TMCC1: variants seen among roughly 807,000 people sequenced by gnomAD.
TMCC1 encodes the protein transmembrane and coiled-coil domain family 1.
Under a neutral mutation model 52.4 loss-of-function variants are expected in TMCC1, and 15 were observed. The observed-to-expected ratio is 0.29, with a 90% CI of 0.19 to 0.44. The LOEUF (loss-of-function observed/expected upper bound fraction) is 0.44. TMCC1 is among the 20% of genes least tolerant of loss of function. The probability of loss-of-function intolerance (pLI) is 1.00; values close to 1 mark genes in which losing one functional copy is unlikely to be tolerated. For synonymous variants in TMCC1, 279 were observed against 301.9 expected (o/e 0.92, Z 0.79); for missense variants, 503 against 806.0 (o/e 0.62, Z 4.55).
intron 4 of TMCC1, among the ~76,000 whole-genome samples, chr3:129,786,141 C>T (rs944459425): frequency 1.3e-4 from 20 of 151,826 alleles, no homozygotes; most frequent in Non-Finnish European, 1.8e-4. Context: ...GGTTTTGCCA[C>T]GTTGGCCAGG....
chr3:129,707,183 C>A (rs1560233075), intron 4 of TMCC1, among the ~76,000 whole-genome samples: 1 of 152,186 alleles, frequency 6.6e-6, no homozygotes. Context: ...GCCCTATATT[C>A]ACTTCTAGTT....
chr3:129,704,368 A>C (rs954989989), intron 4 of TMCC1, among the ~76,000 whole-genome samples: 1 of 152,194 alleles, frequency 6.6e-6, no homozygotes, highest in Non-Finnish European at 1.5e-5. Flanking sequence ...TACAGTATTC[A>C]TATGCTCTTT....
At chr3:129,870,786 A>G (rs997728153) in intron 2 of TMCC1, among the ~76,000 whole-genome samples, 3 of 143,414 alleles carry the variant, frequency 2.1e-5, no homozygotes, top group African/African-American at 7.6e-5. Context: ...AAAAAAAGAT[A>G]TGGTAGCTAA....
chr3:129,799,798 C>A (rs2057071365), intron 4 of TMCC1, among the ~76,000 whole-genome samples: 2 of 152,158 alleles, frequency 1.3e-5, no homozygotes, highest in South Asian at 4.1e-4. Flanking sequence ...GGCGACAGAG[C>A]GAGACTCTGT....
chr3:129,784,434 C>T (rs1475847019), intron 4 of TMCC1, among the ~76,000 whole-genome samples: 4 of 151,750 alleles, frequency 2.6e-5, no homozygotes, highest in East Asian at 1.9e-4. Context: ...GGTGCAGTGG[C>T]GGGCGCCTGT....
chr3:129,831,525 A>G (rs2058912216), intron 3 of TMCC1, among the ~76,000 whole-genome samples: 1 of 152,220 alleles, frequency 6.6e-6, no homozygotes, highest in Non-Finnish European at 1.5e-5. Context: ...TGTACTGATT[A>G]TAAAACGTAA....
intron 4 of TMCC1, among the ~76,000 whole-genome samples, chr3:129,806,401 C>T (rs192897405): frequency 2.0e-5 from 3 of 152,176 alleles, no homozygotes; most frequent in African/African-American, 4.8e-5. Context: ...TCTTATGGAA[C>T]ACAGGCACCC....
At chr3:129,823,249 C>T (rs1011091698) in intron 4 of TMCC1, among the ~76,000 whole-genome samples, 1 of 152,120 alleles carries the variant, frequency 6.6e-6, no homozygotes, top group East Asian at 1.9e-4. Flanking sequence ...TCGCTTGAAC[C>T]CAGGAGGTGG....
intron 4 of TMCC1, among the ~76,000 whole-genome samples, chr3:129,701,758 T>C (rs1014192411): frequency 2.6e-5 from 4 of 152,282 alleles, no homozygotes; most frequent in South Asian, 2.1e-4. Context: ...CCTACCTCAA[T>C]GGAATCATGT....
intron 4 of TMCC1, among the ~76,000 whole-genome samples, chr3:129,738,626 C>T (rs1291077505): frequency 6.6e-6 from 1 of 151,858 alleles, no homozygotes; most frequent in Non-Finnish European, 1.5e-5. Context: ...AAACATAAAC[C>T]AAGGCTAGCT....
rs182234656 is a variant in TMCC1 at position 129,804,322 on chromosome 3, T to C, written c.576+23481A>G. Among the ~76,000 whole-genome samples, 26 of 152,330 alleles carry C rather than the reference T, an allele frequency of 1.7e-4. No individual in the cohort carries two copies. The East Asian group carries it at 3.9e-3, about 23-fold the overall frequency. ...TAACCAAAAGAAAGATGATATAACA[T>C]AGCTACATTTTTTTGTGCTATTCTT... is the stretch of plus-strand genomic sequence containing the variant. On this transcript the variant is annotated intron_variant, in intron 4 of 6. Transcript: ENST00000393238.
chr3:129,763,388 T>TA (rs1010348154), intron 4 of TMCC1, among the ~76,000 whole-genome samples: 5 of 145,562 alleles, frequency 3.4e-5, no homozygotes, highest in Non-Finnish European at 7.5e-5. Flanking sequence ...ACTAAAAAAA[T>TA]AAAAAAAATT....
At chr3:129,694,656 TAGCTCCAAGGC>T (rs2047266984) in intron 4 of TMCC1, among the ~76,000 whole-genome samples, 1 of 152,098 alleles carries the variant, frequency 6.6e-6, no homozygotes, top group African/African-American at 2.4e-5. Context: ...CTCCCACCAT[TAGCTCCAAGGC>T]AGTGTACAAA....
chr3:129,834,466 C>T (rs950286928), intron 2 of TMCC1, among the ~76,000 whole-genome samples: 6 of 152,078 alleles, frequency 3.9e-5, no homozygotes, highest in Non-Finnish European at 7.4e-5. Context: ...TTGTTGAAAC[C>T]AACCAATTTA....
In TMCC1 at chr3:129,659,082, TTTTC is replaced by T. The variant is rs1338885892; in HGVS notation, c.1512-3983_1512-3980del. Among the ~76,000 whole-genome samples, 175 of 150,602 alleles carry T rather than the reference TTTTC, an allele frequency of 1.2e-3. 1 individual carries two copies. In the East Asian group the frequency reaches 0.019, roughly 16 times the overall value. On this transcript the variant is annotated intron_variant, in intron 5 of 6. Coordinates refer to ENST00000393238, the MANE Select transcript of TMCC1 (RefSeq NM_001017395.5). ...TTGTAGTCAGGGAACCTGTTTTCCT[TTTTC>T]TTTCTTTCTTTTTTTTTTTTTTTTT...
At chr3:129,891,400 G>C (rs2061957008) in intron 1 of TMCC1, among the ~76,000 whole-genome samples, 1 of 152,152 alleles carries the variant, frequency 6.6e-6, no homozygotes, top group African/African-American at 2.4e-5. Flanking sequence ...TGTGACATGT[G>C]AAAATTTTAT....
At chr3:129,854,293 A>G (rs376442360) in intron 2 of TMCC1, among the ~76,000 whole-genome samples, 156 of 151,954 alleles carry the variant, frequency 1.0e-3, no homozygotes, top group African/African-American at 3.4e-3. Flanking sequence ...TTAGGAGGCT[A>G]AGACAGCAGA....
At chr3:129,888,357 T>C (rs2061818565) in intron 1 of TMCC1, among the ~76,000 whole-genome samples, 1 of 152,224 alleles carries the variant, frequency 6.6e-6, no homozygotes, top group Non-Finnish European at 1.5e-5. Context: ...TGTACACATA[T>C]ATCTCCTTCC....
At chr3:129,878,651 A>G (rs1477198231) in intron 2 of TMCC1, among the ~76,000 whole-genome samples, 1 of 152,168 alleles carries the variant, frequency 6.6e-6, no homozygotes, top group Non-Finnish European at 1.5e-5. Flanking sequence ...ATGTCAAAAT[A>G]TAAATCAGAT....
Sources: allele counts gnomAD v4.1 joint callset (sites outside exome capture counted in the v4.1 genomes callset), GRCh38; gene constraint gnomAD v4.1.1; transcripts MANE v1.5; gene names NCBI Gene and HGNC (gene_info 2026-07-23, HGNC 2026-07-21).